The following DIS3L variants were observed in gnomAD, a reference collection of about 807,000 sequenced individuals.
DIS3L encodes DIS3 like exosome 3'-5' exoribonuclease, also known as DIS3-like exonuclease 1.
Under a neutral mutation model 120.3 loss-of-function variants are expected in DIS3L, and 100 were observed. The ratio of observed to expected loss-of-function variants is 0.83; its 90% CI spans 0.71 to 0.98. The LOEUF (loss-of-function observed/expected upper bound fraction) is 0.98, where lower values mean the gene tolerates loss of function less well. DIS3L is among the 50% of genes least tolerant of loss of function. The pLI, the probability that DIS3L is intolerant of heterozygous loss-of-function variation, is 0.00. For missense variants in DIS3L, 1,196 were observed against 1,314.2 expected, an observed-to-expected ratio of 0.91 and a Z score of 1.39; for synonymous variants, 426 against 470.6, an observed-to-expected ratio of 0.91 and a Z score of 1.23.
Position 66,332,786 on chromosome 15 carries a change from T to C in DIS3L, c.2732T>C (p.Ile911Thr). ...AYLKNKDGLVISCGPDSCSEW... is the reference protein window; with the variant it reads ...AYLKNKDGLVTSCGPDSCSEW... ...CTAAAAAATAAAGATGGTTTAGTCA[T>C]CTCATGTGGCCCAGATAGCTGTTCT... The change falls in exon 16 of 17, where the codon ATC becomes ACC. Residue 911 changes from isoleucine (I) to threonine (T), a missense_variant. Physicochemically the swap from Ile to Thr is moderately conservative, Grantham distance 89. Transcript: ENST00000319212. 1.9e-6 allele frequency: 3 copies of C among 1,613,768 alleles called. No homozygotes were observed. Among genetic ancestry groups the C allele is most frequent in the Non-Finnish European group, 2.5e-6 (3 of 1,179,906 alleles).
chr15:66,305,375 A>G (rs1473573578), intron 2 of DIS3L, among the ~76,000 whole-genome samples: 4 of 152,228 alleles, frequency 2.6e-5, no homozygotes, highest in South Asian at 2.1e-4. Flanking sequence ...TGCATTTAAC[A>G]AGATTCGTTG....
chr15:66,308,292 C>T (rs189741184), intron 3 of DIS3L, among the ~76,000 whole-genome samples: 1 of 152,290 alleles, frequency 6.6e-6, no homozygotes, highest in East Asian at 1.9e-4. Flanking sequence ...ATATCAGACC[C>T]TATTGGATTA....
At chr15:66,321,399 A>G (rs1440367410) in intron 9 of DIS3L, among the ~76,000 whole-genome samples, 3 of 152,112 alleles carry the variant, frequency 2.0e-5, no homozygotes, top group South Asian at 2.1e-4. Flanking sequence ...ATTACGGTAT[A>G]TTGACGTACC....
intron 2 of DIS3L, among the ~76,000 whole-genome samples, chr15:66,298,179 CA>C (rs11419116): frequency 0.17 from 7,555 of 45,726 alleles, 50 homozygotes; most frequent in Non-Finnish European, 0.18. Context: ...GACTCCGTCT[CA>C]AAAAAAAAAA....
rs771167866 is a variant in DIS3L at position 66,315,043 on chromosome 15, C to T, written c.822C>T (p.Val274=). The change falls in exon 7 of 17, where the codon GTC becomes GTT. Residue 274 remains valine, a synonymous_variant. Transcript: ENST00000319212. ...GTGCTGCCCCAAACACAGATTTAGT[C>T]AGTGACATCCTAATCCACGGGATGA... ...QGASSKDSDL[V]SDILIHGMKA... 6.2e-7 allele frequency: 1 copy of T among 1,613,750 alleles called. No homozygotes were observed. Among genetic ancestry groups the T allele is most frequent in the East Asian group, 2.2e-5 (1 of 44,872 alleles).
chr15:66,333,266 T>TA lies in DIS3L; in HGVS notation c.3120dup (p.Arg1041ThrfsTer27). The TA allele has an allele frequency of 6.2e-7, 1 of 1,612,326 alleles. No homozygotes were observed. The highest frequency in any genetic ancestry group is 8.5e-7 in the Non-Finnish European group (1 of 1,179,582). On this transcript the variant is annotated frameshift_variant, in exon 17 of 17. Coordinates refer to ENST00000319212, the MANE Select transcript of DIS3L (RefSeq NM_001143688.3). LOFTEE classifies it high-confidence loss of function. ...AGCCTATACACACTTCTAGAGGAGA[T>TA]ACGGGACCTAGCTCTCCTGGATGTT...
chr15:66,315,311 T>G, intron 7 of DIS3L, 96 bp downstream of exon 7: 2 of 1,148,884 alleles, frequency 1.7e-6, no homozygotes, highest in Non-Finnish European at 2.4e-6. Context: ...CTTATTTTAT[T>G]TATTTATTTT....
chr15:66,324,438 G>A (rs953669534), intron 11 of DIS3L, among the ~76,000 whole-genome samples: 1 of 152,146 alleles, frequency 6.6e-6, no homozygotes, highest in Admixed American at 6.6e-5. Flanking sequence ...CACCCAAAAA[G>A]CTGGGATTAC....
chr15:66,332,651 G>A, intron 15 of DIS3L, 85 bp from the exon 16 acceptor site: 8 of 1,319,320 alleles, frequency 6.1e-6, no homozygotes, highest in Non-Finnish European at 8.3e-6. Flanking sequence ...TAATCTAGGA[G>A]AAAAACTAGT....
At chr15:66,313,822 AAAAAAG>A (rs1447739923) in intron 5 of DIS3L, among the ~76,000 whole-genome samples, 2 of 150,284 alleles carry the variant, frequency 1.3e-5, no homozygotes, top group African/African-American at 5.0e-5. Flanking sequence ...TACATCTCGA[AAAAAAG>A]AAAAAAGTGT....
intron 4 of DIS3L, among the ~76,000 whole-genome samples, chr15:66,309,449 A>G (rs994900838): frequency 1.3e-5 from 2 of 152,044 alleles, no homozygotes; most frequent in Non-Finnish European, 2.9e-5. Context: ...TAAAATTGCC[A>G]ATATTCTTAT....
intron 2 of DIS3L, among the ~76,000 whole-genome samples, chr15:66,298,014 T>C (rs2092606817): frequency 6.6e-6 from 1 of 151,962 alleles, no homozygotes; most frequent in Non-Finnish European, 1.5e-5. Context: ...ATCCTGTCAC[T>C]ACTAAAGATA....
intron 2 of DIS3L, among the ~76,000 whole-genome samples, chr15:66,299,608 G>A (rs946275062): frequency 1.3e-5 from 2 of 151,678 alleles, no homozygotes; most frequent in African/African-American, 4.8e-5. Context: ...AAAGAAGGGA[G>A]GAGGCTTTTG....
chr15:66,322,866 G>A lies in DIS3L; in HGVS notation c.1506G>A (p.Gly502=). Residue 502 remains glycine, a synonymous_variant, in exon 10 of 17, where the codon GGG becomes GGA. Coordinates refer to ENST00000319212, the MANE Select transcript of DIS3L (RefSeq NM_001143688.3). ...RTLNNGNLEL[G]VHIADVTHFV... ...TAAATAATGGCAACCTGGAACTTGG[G>A]GTCCACATCGCAGATGTAACACACT... The A allele has an allele frequency of 6.2e-7, 1 of 1,614,094 alleles. No homozygotes were observed. The highest frequency in any genetic ancestry group is 8.5e-7 in the Non-Finnish European group (1 of 1,180,024).
At chr15:66,293,564 CG>C (rs764518033), upstream of DIS3L, 1 of 1,407,870 alleles carries the variant, frequency 7.1e-7, no homozygotes, top group South Asian at 1.4e-5. Context: ...CCGCCGCGCC[CG>C]CCACTCCGCG....
At chr15:66,328,868 C>A (rs1464440789) in intron 12 of DIS3L, 102 bp from the exon 13 acceptor site, 2 of 1,385,804 alleles carry the variant, frequency 1.4e-6, no homozygotes, top group Non-Finnish European at 9.7e-7. Flanking sequence ...AATTTACTGG[C>A]AGATGAAGGT....
chr15:66,333,468 C>T lies in DIS3L; in HGVS notation c.*156C>T, dbSNP rs551205004. 18 of 746,256 alleles carry T rather than the reference C, an allele frequency of 2.4e-5. No individual in the cohort carries two copies. The highest frequency in any genetic ancestry group is 1.4e-4 in the African/African-American group (8 of 56,104). 46.2% of individuals were successfully genotyped at this position (746,256 alleles called of 1,614,324 possible). A position where few individuals can be genotyped will look rare whatever the true frequency, so the allele number is the denominator to read the frequency against. On this transcript the variant is annotated 3_prime_UTR_variant, in exon 17 of 17. Coordinates refer to ENST00000319212, the MANE Select transcript of DIS3L (RefSeq NM_001143688.3). ...GTTCTCAGCCGGGCACGGTGGCTCA[C>T]GCCTGTAACCCCAGCACTTTGGGAG... is the stretch of plus-strand genomic sequence containing the variant.
In DIS3L at chr15:66,329,394, A is replaced by C; in HGVS notation, c.2530A>C (p.Asn844His). The part of the protein sequence containing the change: ...EELCRHINNR[N>H]QAAQHSQKQS... ...ATTATGCAGACATATCAACAACAGA[A>C]ACCAAGTAAGAGGGAATTTCAAAAT... The change falls in exon 14 of 17, where the codon AAC becomes CAC. Residue 844 changes from asparagine (N) to histidine (H), a missense_variant. Asn to His is a moderately conservative substitution (Grantham distance 68, BLOSUM62 1). Coordinates refer to ENST00000319212, the MANE Select transcript of DIS3L (RefSeq NM_001143688.3). The C allele has an allele frequency of 6.3e-7, 1 of 1,598,892 alleles. No homozygotes were observed. The highest frequency in any genetic ancestry group is 8.5e-7 in the Non-Finnish European group (1 of 1,174,878).
intron 9 of DIS3L, among the ~76,000 whole-genome samples, chr15:66,321,042 A>G (rs1366894202): frequency 6.6e-6 from 1 of 152,200 alleles, no homozygotes; most frequent in Non-Finnish European, 1.5e-5. Flanking sequence ...ACACCTAGTT[A>G]CAGACCCAAC....
Sources: gnomAD v4.1 joint callset for allele counts (sites outside exome capture counted in the v4.1 genomes callset) on GRCh38, gnomAD v4.1.1 for gene constraint, MANE v1.5 for transcripts, NCBI Gene and HGNC (gene_info 2026-07-23, HGNC 2026-07-21) for gene names.